Variants in EYS observed in about 807,000 individuals in gnomAD.
EYS encodes the protein EGF-like photoreceptor maintenance factor, also known as protein eyes shut homolog.
Under a neutral mutation model 282.1 loss-of-function variants are expected in EYS, and 250 were observed. That is an observed-to-expected ratio of 0.89 (90% CI 0.80 to 0.98). The LOEUF (loss-of-function observed/expected upper bound fraction) is 0.98, where lower values mean the gene tolerates loss of function less well. Among genes scored for constraint, EYS ranks in the 50% least tolerant of loss-of-function variants. EYS has a pLI of 0.00. For synonymous variants in EYS, 1,355 were observed against 1,282.9 expected, an observed-to-expected ratio of 1.06 and a Z score of -1.20; for missense variants, 4,016 against 3,709.0, an observed-to-expected ratio of 1.08 and a Z score of -2.15.
chr6:65,000,872 T>C (rs1483089917), intron 13 of EYS, among the ~76,000 whole-genome samples: 1 of 152,214 alleles, frequency 6.6e-6, no homozygotes, highest in Non-Finnish European at 1.5e-5. Context: ...ATATATGCAG[T>C]GATTTCTCAT....
intron 22 of EYS, among the ~76,000 whole-genome samples, chr6:64,635,469 T>C (rs547757151): frequency 2.0e-5 from 3 of 152,294 alleles, no homozygotes; most frequent in East Asian, 3.9e-4. Flanking sequence ...TTGTCATAGA[T>C]AGCTCTTATT....
intron 19 of EYS, among the ~76,000 whole-genome samples, chr6:64,880,130 G>T (rs963135537): frequency 2.6e-5 from 4 of 151,822 alleles, no homozygotes; most frequent in Admixed American, 2.0e-4. Flanking sequence ...CTAAACACAG[G>T]GCCCTCATTA....
chr6:65,352,149 TAACTC>T (rs1336938976), intron 9 of EYS, among the ~76,000 whole-genome samples: 9 of 151,858 alleles, frequency 5.9e-5, no homozygotes, highest in Admixed American at 5.9e-4. Context: ...TAAAGGTTGT[TAACTC>T]TACAGTATAC....
chr6:64,329,290 A>C (rs888420124), intron 29 of EYS, among the ~76,000 whole-genome samples: 2 of 152,166 alleles, frequency 1.3e-5, no homozygotes, highest in African/African-American at 4.8e-5. Context: ...GTCCAACATG[A>C]ATTTTTATAT....
chr6:65,117,410 T>C (rs1775406349), intron 12 of EYS, among the ~76,000 whole-genome samples: 1 of 152,148 alleles, frequency 6.6e-6, no homozygotes, highest in South Asian at 2.1e-4. Context: ...GAAAAGGCAT[T>C]GAAAGACATT....
At chr6:65,135,965 T>G (rs1179003193) in intron 12 of EYS, among the ~76,000 whole-genome samples, 1 of 152,094 alleles carries the variant, frequency 6.6e-6, no homozygotes, top group African/African-American at 2.4e-5. Context: ...AGCAAATCTA[T>G]TTTTGAATCT....
chr6:65,526,853 C>A (rs535930651), intron 2 of EYS, among the ~76,000 whole-genome samples: 3 of 152,084 alleles, frequency 2.0e-5, no homozygotes, highest in African/African-American at 7.2e-5. Context: ...TGAGTGGAAT[C>A]GAAATAACGA....
intron 12 of EYS, among the ~76,000 whole-genome samples, chr6:65,196,168 T>A (rs1191320896): frequency 6.6e-6 from 1 of 151,992 alleles, no homozygotes; most frequent in East Asian, 1.9e-4. Flanking sequence ...AAGCTATTAT[T>A]TCCCAAACGA....
intron 24 of EYS, among the ~76,000 whole-genome samples, chr6:64,600,372 G>A (rs1399151360): frequency 6.6e-6 from 1 of 151,918 alleles, no homozygotes; most frequent in Non-Finnish European, 1.5e-5. Flanking sequence ...AGGCAAAGTA[G>A]GTGGCAACCA....
chr6:64,491,531 CA>C, intron 26 of EYS, among the ~76,000 whole-genome samples: 1 of 150,984 alleles, frequency 6.6e-6, no homozygotes, highest in East Asian at 1.9e-4. Flanking sequence ...TAATAGCTAA[CA>C]AAAAATATTT....
In EYS at chr6:64,592,400, T is replaced by C. The variant is rs188096113; in HGVS notation, c.3878-411A>G. On this transcript the variant is annotated intron_variant, in intron 25 of 42. Coordinates refer to ENST00000503581, the MANE Select transcript of EYS (RefSeq NM_001142800.2). ...CTCAATAGGCAAAATGTTCTGTTTA[T>C]ATTAGATAACACCATATTTCAATTT... is the stretch of plus-strand genomic sequence containing the variant. Among the ~76,000 whole-genome samples the C allele has an allele frequency of 3.2e-4, 48 of 152,300 alleles. 1 individual carries two copies. The East Asian group carries it at 6.8e-3, about 21-fold the overall frequency.
chr6:64,443,051 C>T (rs113243560), intron 26 of EYS, among the ~76,000 whole-genome samples: 50 of 152,280 alleles, frequency 3.3e-4, no homozygotes, highest in African/African-American at 1.0e-3. Flanking sequence ...AGACACTCAA[C>T]GCCAGCCCAC....
chr6:63,887,559 G>A (rs2149722493), intron 35 of EYS, among the ~76,000 whole-genome samples: 1 of 152,194 alleles, frequency 6.6e-6, no homozygotes, highest in African/African-American at 2.4e-5. Context: ...AAGGGGTCGG[G>A]GAACTCCATC....
At chr6:64,978,470 T>A (rs1416695738) in intron 14 of EYS, among the ~76,000 whole-genome samples, 2 of 151,934 alleles carry the variant, frequency 1.3e-5, no homozygotes, top group Non-Finnish European at 2.9e-5. Context: ...AGAATTCTGA[T>A]GGGAGATGTA....
At chr6:64,899,758 G>A (rs151139684) in intron 18 of EYS, among the ~76,000 whole-genome samples, 7 of 152,144 alleles carry the variant, frequency 4.6e-5, no homozygotes, top group South Asian at 2.1e-4. Flanking sequence ...AAAATTCCAC[G>A]CTCATGGATA....
intron 7 of EYS, among the ~76,000 whole-genome samples, chr6:65,400,612 C>T (rs1403030151): frequency 1.3e-5 from 2 of 151,896 alleles, no homozygotes; most frequent in African/African-American, 4.8e-5. Context: ...TTCTTTCTAA[C>T]TGTATTGCTT....
At chr6:64,247,196 G>T (rs890710341) in intron 30 of EYS, among the ~76,000 whole-genome samples, 2 of 152,170 alleles carry the variant, frequency 1.3e-5, no homozygotes, top group Admixed American at 1.3e-4. Flanking sequence ...TTAAAAATGT[G>T]TGATTACTTA....
At chr6:64,623,299 A>T (rs1283601286) in intron 23 of EYS, among the ~76,000 whole-genome samples, 1 of 152,146 alleles carries the variant, frequency 6.6e-6, no homozygotes, top group Non-Finnish European at 1.5e-5. Context: ...CTTCACCAAG[A>T]TAACATTTTG....
chr6:64,465,751 T>C (rs1283705897), intron 26 of EYS, among the ~76,000 whole-genome samples: 1 of 148,070 alleles, frequency 6.8e-6, no homozygotes, highest in Non-Finnish European at 1.5e-5. Flanking sequence ...AAAAGACAAA[T>C]GAGATTACAT....
Sources: gnomAD v4.1 joint callset for allele counts (sites outside exome capture counted in the v4.1 genomes callset) on GRCh38, gnomAD v4.1.1 for gene constraint, MANE v1.5 for transcripts, NCBI Gene and HGNC (gene_info 2026-07-23, HGNC 2026-07-21) for gene names.